The following EYS variants were observed in gnomAD, a reference collection of about 807,000 sequenced individuals.
EYS encodes protein eyes shut homolog.
Under a neutral mutation model 282.1 loss-of-function variants are expected in EYS, and 250 were observed. The ratio of observed to expected loss-of-function variants is 0.89; its 90% confidence interval spans 0.80 to 0.98. The LOEUF is 0.98. Among genes scored for constraint, EYS ranks in the 50% least tolerant of loss-of-function variants. The pLI is 0.00. For synonymous variants in EYS, 1,355 were observed against 1,282.9 expected (o/e 1.06, Z -1.20); for missense variants, 4,016 against 3,709.0 (o/e 1.08, Z -2.15).
chr6:63,722,952 C>G (rs1256346471), intron 42 of EYS, among the ~76,000 whole-genome samples: 2 of 152,210 alleles, frequency 1.3e-5, no homozygotes, highest in African/African-American at 4.8e-5. Context: ...TGGTTAACAG[C>G]TGCTTTATCC....
intron 2 of EYS, among the ~76,000 whole-genome samples, chr6:65,515,761 A>T (rs1767105610): frequency 7.7e-6 from 1 of 130,638 alleles, no homozygotes; most frequent in Non-Finnish European, 1.6e-5. Context: ...CGGACACAGG[A>T]AGGGGAACAT....
chr6:64,650,545 CTTATAA>C, intron 22 of EYS, among the ~76,000 whole-genome samples: 1 of 151,854 alleles, frequency 6.6e-6, no homozygotes, highest in South Asian at 2.1e-4. Context: ...CAGCAGTATG[CTTATAA>C]ACCTATACTA....
At chr6:65,162,616 A>AT (rs945745086) in intron 12 of EYS, among the ~76,000 whole-genome samples, 1 of 150,496 alleles carries the variant, frequency 6.6e-6, no homozygotes, top group African/African-American at 2.4e-5. Context: ...ATTTTATTTT[A>AT]TTTTTTTGGC....
At chr6:65,594,821 A>G (rs1336178734) in intron 2 of EYS, among the ~76,000 whole-genome samples, 2 of 152,112 alleles carry the variant, frequency 1.3e-5, no homozygotes, top group Non-Finnish European at 1.5e-5. Context: ...TCTTTAATCC[A>G]TCTTGAACTA....
chr6:64,378,570 TTAAAA>T lies in EYS; in HGVS notation c.6078+10115_6078+10119del, dbSNP rs541024919. ...TGAAATATCAATGCTGGGGGGAAAC[TTAAAA>T]TAATAGTAAAGGATAACAGTTATTA... On this transcript the variant is annotated intron_variant, in intron 29 of 42. Transcript: ENST00000503581. Among the ~76,000 whole-genome samples, 282 of 152,228 alleles carry T rather than the reference TTAAAA, an allele frequency of 1.9e-3. 1 individual carries two copies. Among genetic ancestry groups the T allele is most frequent in the African/African-American group, 6.5e-3 (270 of 41,556 alleles).
chr6:64,884,499 C>G lies in EYS; in HGVS notation c.2992+2198G>C, dbSNP rs150123698. Among the ~76,000 whole-genome samples, 241 of 151,450 alleles carry G rather than the reference C, an allele frequency of 1.6e-3. 1 individual carries two copies. The highest frequency in any genetic ancestry group is 5.2e-3 in the African/African-American group (217 of 41,452). ...AGTAAAACCTTGCAGTGTCATGACT[C>G]TCTTGAAATGGAACAACCTAAAAAT... On this transcript the variant is annotated intron_variant, in intron 19 of 42. Coordinates refer to ENST00000503581, the MANE Select transcript of EYS (RefSeq NM_001142800.2).
At chr6:65,422,066 C>A (rs1403656033) in intron 5 of EYS, among the ~76,000 whole-genome samples, 6 of 151,852 alleles carry the variant, frequency 4.0e-5, no homozygotes, top group Non-Finnish European at 8.8e-5. Flanking sequence ...CTCAGGATTG[C>A]CACAAACTTT....
At chr6:64,459,198 G>A (rs1775663136) in intron 26 of EYS, among the ~76,000 whole-genome samples, 1 of 152,116 alleles carries the variant, frequency 6.6e-6, no homozygotes, top group Non-Finnish European at 1.5e-5. Context: ...GAGATGATTT[G>A]TATAATCTTT....
intron 22 of EYS, among the ~76,000 whole-genome samples, chr6:64,808,777 A>G (rs114618297): frequency 0.014 from 2,106 of 152,214 alleles, 16 homozygotes; most frequent in Non-Finnish European, 0.023. Flanking sequence ...TTAAATGAAT[A>G]CTAGCTATCT....
At chr6:64,506,115 T>C (rs1777200550) in intron 26 of EYS, among the ~76,000 whole-genome samples, 1 of 152,160 alleles carries the variant, frequency 6.6e-6, no homozygotes, top group Non-Finnish European at 1.5e-5. Context: ...TTATGAAAAT[T>C]GAAAAAATGT....
chr6:65,358,599 A>AGTGTGTGTGTGT (rs61588307), intron 8 of EYS, among the ~76,000 whole-genome samples: 1,608 of 140,888 alleles, frequency 0.011, 17 homozygotes, highest in Middle Eastern at 0.021. Flanking sequence ...AGGTTTCTGA[A>AGTGTGTGTGTGT]GTGTGTGTGT....
At chr6:65,128,726 A>T (rs574393148) in intron 12 of EYS, among the ~76,000 whole-genome samples, 1 of 152,170 alleles carries the variant, frequency 6.6e-6, no homozygotes, top group East Asian at 1.9e-4. Flanking sequence ...TATTACTAAG[A>T]TGGCTGAACT....
chr6:65,034,535 G>A (rs1213383180), intron 13 of EYS, among the ~76,000 whole-genome samples: 3 of 151,932 alleles, frequency 2.0e-5, no homozygotes, highest in Non-Finnish European at 4.4e-5. Context: ...GTGAAATCTG[G>A]TCATTTAAAA....
At chr6:65,684,917 G>A (rs752550605) in intron 1 of EYS, among the ~76,000 whole-genome samples, 9 of 151,696 alleles carry the variant, frequency 5.9e-5, no homozygotes, top group South Asian at 2.1e-4. Flanking sequence ...AGTGGGCCCC[G>A]GTGTCTGTTG....
intron 2 of EYS, among the ~76,000 whole-genome samples, chr6:65,605,540 A>C (rs1765757300): frequency 6.6e-6 from 1 of 151,930 alleles, no homozygotes; most frequent in Admixed American, 6.6e-5. Context: ...TCAGCAATTC[A>C]AATTTTAGAA....
At chr6:64,539,332 C>T (rs1009715891) in intron 26 of EYS, among the ~76,000 whole-genome samples, 1 of 152,006 alleles carries the variant, frequency 6.6e-6, no homozygotes, top group Non-Finnish European at 1.5e-5. Flanking sequence ...TTGGGAGGCC[C>T]AGGTAGGAGG....
intron 35 of EYS, among the ~76,000 whole-genome samples, chr6:63,928,524 CTGTG>C (rs6149619): frequency 0.58 from 86,383 of 149,344 alleles, 25,385 homozygotes; most frequent in Non-Finnish European, 0.66. Context: ...CACCTTTTGA[CTGTG>C]TGTGTGTGTG....
chr6:65,468,959 T>C (rs976148414), intron 5 of EYS, among the ~76,000 whole-genome samples: 1 of 152,132 alleles, frequency 6.6e-6, no homozygotes, highest in Non-Finnish European at 1.5e-5. Flanking sequence ...TCTACTTAAA[T>C]ACTTTTCTTT....
intron 13 of EYS, among the ~76,000 whole-genome samples, chr6:65,032,225 T>C (rs1205864371): frequency 6.6e-6 from 1 of 152,102 alleles, no homozygotes; most frequent in Non-Finnish European, 1.5e-5. Flanking sequence ...GTAATAATAA[T>C]GAGATCTGAA....
Sources: allele counts gnomAD v4.1 joint callset (sites outside exome capture counted in the v4.1 genomes callset), GRCh38; gene constraint gnomAD v4.1.1; transcripts MANE v1.5; gene names NCBI Gene and HGNC (gene_info 2026-07-23, HGNC 2026-07-21).